Variants in FHIP2A observed in about 807,000 individuals in gnomAD.
FHIP2A encodes the protein FHF complex subunit HOOK interacting protein 2A, also known as family with sequence similarity 160 member B1.
FHIP2A carries 46 observed loss-of-function variants against 93.5 expected under a neutral mutation model. The observed-to-expected ratio is 0.49, with a 90% CI of 0.39 to 0.63. The LOEUF (loss-of-function observed/expected upper bound fraction) is 0.63, where lower values mean the gene tolerates loss of function less well. Ranked by LOEUF, FHIP2A falls within the 20% of genes least tolerant of loss-of-function variation. The pLI is 0.00. For synonymous variants in FHIP2A, 332 were observed against 326.5 expected (o/e 1.02, Z -0.18); for missense variants, 769 against 909.7 (o/e 0.85, Z 1.99).
chr10:114,871,087 G>A (rs1386948282), intron 16 of FHIP2A, among the ~76,000 whole-genome samples: 3 of 148,190 alleles, frequency 2.0e-5, no homozygotes, highest in Non-Finnish European at 4.5e-5. Flanking sequence ...ACAAATATAT[G>A]TTTTTAAATA....
chr10:114,881,462 G>C (rs2083916773), intron 16 of FHIP2A, among the ~76,000 whole-genome samples: 1 of 152,162 alleles, frequency 6.6e-6, no homozygotes, highest in African/African-American at 2.4e-5. Flanking sequence ...TGCATATAGA[G>C]AGCGGAGACT....
chr10:114,891,615 A>G (rs923383803), intron 16 of FHIP2A, among the ~76,000 whole-genome samples: 7 of 138,686 alleles, frequency 5.0e-5, no homozygotes, highest in East Asian at 4.0e-4. Context: ...GTGTGTGTGT[A>G]TATACATATT....
intron 16 of FHIP2A, among the ~76,000 whole-genome samples, chr10:114,878,091 T>A (rs565163611): frequency 6.6e-6 from 1 of 152,240 alleles, no homozygotes; most frequent in Non-Finnish European, 1.5e-5. Context: ...CATTTTTATG[T>A]ATTTTCTTTC....
chr10:114,898,542 A>T (rs2084011916), intron 16 of FHIP2A, among the ~76,000 whole-genome samples: 1 of 152,028 alleles, frequency 6.6e-6, no homozygotes, highest in Non-Finnish European at 1.5e-5. Flanking sequence ...GTGAGACTTG[A>T]CCTACCTTCC....
intron 14 of FHIP2A, among the ~76,000 whole-genome samples, chr10:114,859,423 A>G (rs898974928): frequency 6.6e-6 from 1 of 152,156 alleles, no homozygotes; most frequent in African/African-American, 2.4e-5. Context: ...CAGGTTGTTC[A>G]GTGGCTGAGA....
intron 16 of FHIP2A, among the ~76,000 whole-genome samples, chr10:114,870,576 G>A (rs1289796713): frequency 1.3e-5 from 2 of 152,114 alleles, no homozygotes; most frequent in African/African-American, 4.8e-5. Flanking sequence ...GTAATTGAGT[G>A]CTGGTTTCAT....
intron 16 of FHIP2A, among the ~76,000 whole-genome samples, chr10:114,895,857 T>A (rs2083998553): frequency 6.6e-6 from 1 of 152,198 alleles, no homozygotes; most frequent in Non-Finnish European, 1.5e-5. Context: ...TAGCACATGA[T>A]GTAAGGCATA....
chr10:114,850,003 T>G (rs2143011948), intron 13 of FHIP2A, among the ~76,000 whole-genome samples: 1 of 152,378 alleles, frequency 6.6e-6, no homozygotes, highest in South Asian at 2.1e-4. Flanking sequence ...GGATATTTTG[T>G]GTATCTGTCA....
intron 14 of FHIP2A, among the ~76,000 whole-genome samples, chr10:114,856,326 G>A (rs988100794): frequency 4.0e-5 from 6 of 151,306 alleles, no homozygotes; most frequent in Non-Finnish European, 5.9e-5. Flanking sequence ...AATAGCATTC[G>A]CTGTATTTCT....
chr10:114,867,283 C>T (rs934812781), downstream of FHIP2A, among the ~76,000 whole-genome samples: 8 of 151,822 alleles, frequency 5.3e-5, no homozygotes, highest in Non-Finnish European at 1.2e-4. Flanking sequence ...ATTGTATTTG[C>T]CATGCTTAAC....
At chr10:114,867,711 G>A (rs1400223019), downstream of FHIP2A, among the ~76,000 whole-genome samples, 8 of 150,036 alleles carry the variant, frequency 5.3e-5, no homozygotes, top group Non-Finnish European at 1.0e-4. Context: ...TGGAGAGATA[G>A]GATGTGTAGA....
At position 114,830,955 on chromosome 10, in the gene FHIP2A, TGA is replaced by T. The variant is rs777458514; in HGVS notation, c.124+26_124+27del. 2.2e-6 allele frequency: 3 copies of T among 1,362,258 alleles called. No homozygotes were observed. The African/African-American group carries it at 4.4e-5, about 20-fold the overall frequency. 84.4% of individuals were successfully genotyped at this position (1,362,258 alleles called of 1,614,324 possible). A position where few individuals can be genotyped will look rare whatever the true frequency, so the allele number is the denominator to read the frequency against. ...GGTAAGGAACAATGCTGATATTAAC[TGA>T]AAATTTGTGAAAGTTAAACAGAAAA... On this transcript the variant is annotated intron_variant, in intron 2 of 16. Coordinates refer to ENST00000369248, the MANE Select transcript of FHIP2A (RefSeq NM_020940.4).
chr10:114,868,086 G>T (rs1047289716), downstream of FHIP2A, among the ~76,000 whole-genome samples: 1 of 151,824 alleles, frequency 6.6e-6, no homozygotes, highest in African/African-American at 2.4e-5. Context: ...TGCCACCATG[G>T]CCAGCTATTT....
At chr10:114,896,363 T>G (rs953185435) in intron 16 of FHIP2A, among the ~76,000 whole-genome samples, 1 of 152,146 alleles carries the variant, frequency 6.6e-6, no homozygotes, top group Non-Finnish European at 1.5e-5. Flanking sequence ...ATAGGATGGA[T>G]TCTGGGAGGA....
At chr10:114,850,550 A>C (rs1384171795) in intron 13 of FHIP2A, among the ~76,000 whole-genome samples, 1 of 151,716 alleles carries the variant, frequency 6.6e-6, no homozygotes, top group African/African-American at 2.4e-5. Flanking sequence ...TTTTAAAAAA[A>C]TTATCCGTGT....
intron 1 of FHIP2A, 141 bp from the exon 2 acceptor site, chr10:114,830,711 T>G: frequency 2.1e-6 from 1 of 469,198 alleles, no homozygotes; most frequent in Non-Finnish European, 3.8e-6. Flanking sequence ...TTTGTTTCTC[T>G]TTAATATCTG....
rs1035822625 is a variant in FHIP2A, at chr10:114,821,965, C to T, written c.-114C>T. ...TCGATCCTCAGCTCGTCCTCCCCGCCCCGCACCGGCCTTCACTCTGGAGCG... is the reference window on the plus strand; with the variant it reads ...TCGATCCTCAGCTCGTCCTCCCCGCTCCGCACCGGCCTTCACTCTGGAGCG... On this transcript the variant is annotated 5_prime_UTR_variant, in exon 1 of 17. Transcript: ENST00000369248. 4.0e-5 allele frequency: 22 copies of T among 548,164 alleles called. No individual in the cohort carries two copies. The African/African-American group carries it at 4.2e-4, about 11-fold the overall frequency. 34.0% of individuals were successfully genotyped at this position (548,164 alleles called of 1,614,324 possible).
At chr10:114,892,507 G>A (rs369101393) in intron 16 of FHIP2A, among the ~76,000 whole-genome samples, 3 of 152,026 alleles carry the variant, frequency 2.0e-5, no homozygotes, top group African/African-American at 4.8e-5. Context: ...GCGAGGTGGC[G>A]GGCACCTGCA....
At position 114,845,336 on chromosome 10, in the gene FHIP2A, T is replaced by C. The variant is rs776223382; in HGVS notation, c.1014-31T>C. ...ATAGGGTCCATGCTTTTGGATAACTTTGGACTTAGCAATTCTTCCTTGTCT... is the reference window on the plus strand; with the variant it reads ...ATAGGGTCCATGCTTTTGGATAACTCTGGACTTAGCAATTCTTCCTTGTCT... On this transcript the variant is annotated intron_variant, in intron 7 of 16. Coordinates refer to ENST00000369248, the MANE Select transcript of FHIP2A (RefSeq NM_020940.4). The C allele has an allele frequency of 1.1e-5, 15 of 1,315,630 alleles. No homozygotes were observed. The South Asian group carries it at 1.4e-4, about 12-fold the overall frequency. 81.5% of individuals were successfully genotyped at this position (1,315,630 alleles called of 1,614,324 possible). A position where few individuals can be genotyped will look rare whatever the true frequency, so the allele number is the denominator to read the frequency against.
Sources: gnomAD v4.1 joint callset for allele counts (sites outside exome capture counted in the v4.1 genomes callset) on GRCh38, gnomAD v4.1.1 for gene constraint, MANE v1.5 for transcripts, NCBI Gene and HGNC (gene_info 2026-07-23, HGNC 2026-07-21) for gene names.